MAPT: variants seen among roughly 807,000 people sequenced by gnomAD.
The protein encoded by MAPT is microtubule-associated protein tau.
In MAPT, 34 loss-of-function variants were observed where a neutral mutation model predicts 67.9. The ratio of observed to expected loss-of-function variants is 0.50; its 90% confidence interval spans 0.38 to 0.67. The LOEUF (loss-of-function observed/expected upper bound fraction) is 0.67, where lower values mean the gene tolerates loss of function less well. Among genes scored for constraint, MAPT ranks in the 30% least tolerant of loss-of-function variants. The probability of loss-of-function intolerance (pLI) is 0.00; values close to 1 mark genes in which losing one functional copy is unlikely to be tolerated. For missense variants in MAPT, 881 were observed against 1,115.2 expected (o/e 0.79, Z 2.99); for synonymous variants, 456 against 464.5 (o/e 0.98, Z 0.23).
Position 46,010,459 on chromosome 17 carries a change from G to C in MAPT, c.2091+57G>C. On this transcript the variant is annotated intron_variant, in intron 10 of 12. Transcript: ENST00000262410. The surrounding 1 kb of genome is among the most constrained non-coding windows in gnomAD (Gnocchi z 4.7). ...CTGTGGCTTGAATTATTAGGAAGTGGTGTGAGTGCGTACACTTGCGAGACA... is the reference window on the plus strand; with the variant it reads ...CTGTGGCTTGAATTATTAGGAAGTGCTGTGAGTGCGTACACTTGCGAGACA... 1 of 1,180,608 alleles carries C rather than the reference G, an allele frequency of 8.5e-7. No homozygotes were observed. Among genetic ancestry groups the C allele is most frequent in the Non-Finnish European group, 1.2e-6 (1 of 808,250 alleles). The allele number at this position is 1,180,608 out of a possible 1,614,324, so 73.1% of individuals were successfully genotyped here. A position where few individuals can be genotyped will look rare whatever the true frequency, so the allele number is the denominator to read the frequency against.
chr17:45,999,196 T>C (rs1397582446), intron 9 of MAPT: 8 of 1,519,084 alleles, frequency 5.3e-6, no homozygotes, highest in Non-Finnish European at 7.1e-6. Flanking sequence ...CCAGGAAGTC[T>C]TCCTGGATTC....
intron 1 of MAPT, among the ~76,000 whole-genome samples, chr17:45,960,692 C>T (rs1376092211): frequency 3.3e-5 from 5 of 152,112 alleles, no homozygotes; most frequent in African/African-American, 9.7e-5. Flanking sequence ...GCAGCTTATG[C>T]CTGTAATCCC....
In MAPT at chr17:45,997,348, G is replaced by A. The variant is rs554410722; in HGVS notation, c.1998+684G>A. Among the ~76,000 whole-genome samples the A allele has an allele frequency of 8.3e-4, 127 of 152,268 alleles. 1 individual carries two copies. The highest frequency in any genetic ancestry group is 2.7e-3 in the African/African-American group (112 of 41,550). ...GCCTCCTCACTAGCCAGGTGTGGGC[G>A]GGTGGGTTTCTTCCAAGGCCTCTCT... On this transcript the variant is annotated intron_variant, in intron 9 of 12. Transcript: ENST00000262410.
chr17:45,950,745 C>T (rs2068983990), intron 1 of MAPT, among the ~76,000 whole-genome samples: 1 of 152,058 alleles, frequency 6.6e-6, no homozygotes, highest in Non-Finnish European at 1.5e-5. Flanking sequence ...TCACTGCAAC[C>T]TCTCCCTCCT....
At chr17:46,008,221 C>T (rs1159681396) in intron 9 of MAPT, among the ~76,000 whole-genome samples, 7 of 152,180 alleles carry the variant, frequency 4.6e-5, no homozygotes, top group Admixed American at 1.3e-4. Context: ...CTCAACCTCC[C>T]GAGTAGCTGG....
chr17:45,987,777 C>T (rs2073704729), intron 6 of MAPT, among the ~76,000 whole-genome samples: 1 of 152,220 alleles, frequency 6.6e-6, no homozygotes, highest in South Asian at 2.1e-4. Context: ...CCTGCAGAGT[C>T]AGGGCTCCCC....
chr17:45,905,996 C>T (rs536688679), intron 1 of MAPT, among the ~76,000 whole-genome samples: 6 of 152,286 alleles, frequency 3.9e-5, no homozygotes, highest in East Asian at 3.9e-4. Flanking sequence ...GTCAGTCAGA[C>T]GGTGCAGCTG....
chr17:46,011,460 C>G (rs1429952416), intron 10 of MAPT, among the ~76,000 whole-genome samples: 1 of 152,116 alleles, frequency 6.6e-6, no homozygotes, highest in African/African-American at 2.4e-5. Context: ...TCCCCGGGGA[C>G]TCCGTGCATC....
Position 46,010,406 on chromosome 17 carries a change from AG to A in MAPT, c.2091+5del. 1 of 1,563,216 alleles carries A rather than the reference AG, an allele frequency of 6.4e-7. No homozygotes were observed. The highest frequency in any genetic ancestry group is 8.7e-7 in the Non-Finnish European group (1 of 1,150,970). On this transcript the variant is annotated splice_donor_5th_base_variant and intron_variant, in intron 10 of 12. Coordinates refer to ENST00000262410, the MANE Select transcript of MAPT (RefSeq NM_001377265.1). This position sits in a 1 kb window ranked among gnomAD's most constrained non-coding sequence, Gnocchi z 4.7. ...ACACGTCCCGGGAGGCGGCAGTGTG[AG>A]TACCTTCACACGTCCCATGCGCCGT...
chr17:45,953,581 A>G (rs1305939985), intron 1 of MAPT, among the ~76,000 whole-genome samples: 1 of 152,206 alleles, frequency 6.6e-6, no homozygotes, highest in Non-Finnish European at 1.5e-5. Flanking sequence ...TTTATTTTGC[A>G]TAGTAAATAG....
At chr17:45,961,444 C>T (rs2070398537) in intron 1 of MAPT, among the ~76,000 whole-genome samples, 1 of 152,098 alleles carries the variant, frequency 6.6e-6, no homozygotes, top group African/African-American at 2.4e-5. Context: ...CTGGTGGGTG[C>T]CGGTGTGGTG....
intron 1 of MAPT, among the ~76,000 whole-genome samples, chr17:45,945,067 T>C (rs79765413): frequency 0.14 from 21,764 of 152,122 alleles, 2,113 homozygotes; most frequent in Non-Finnish European, 0.22. Flanking sequence ...CACAAAGGTG[T>C]GGTTGGAGCG....
intron 1 of MAPT, among the ~76,000 whole-genome samples, chr17:45,945,227 C>T (rs62062780): frequency 0.14 from 21,792 of 152,180 alleles, 2,123 homozygotes; most frequent in Non-Finnish European, 0.22. Flanking sequence ...ATGTGTAAAA[C>T]GGGGATAATA....
chr17:46,023,760 G>C (rs2076673653), intron 12 of MAPT, among the ~76,000 whole-genome samples, 196 bp from the exon 13 acceptor site: 1 of 152,222 alleles, frequency 6.6e-6, no homozygotes, highest in Non-Finnish European at 1.5e-5. Context: ...AGAATCACCT[G>C]AGCCTGGGAG....
rs528790824 is a variant in MAPT, at chr17:45,978,551, G to A, written c.286+111G>A. The A allele has an allele frequency of 8.3e-6, 7 of 846,682 alleles. No individual in the cohort carries two copies. The East Asian group carries it at 1.8e-4, about 22-fold the overall frequency. 52.4% of individuals were successfully genotyped at this position (846,682 alleles called of 1,614,324 possible). A position where few individuals can be genotyped will look rare whatever the true frequency, so the allele number is the denominator to read the frequency against. ...CCTGAGCTCTAATTCACAAGTCCAG[G>A]AGATTTTAGGGAGTTGGTTCTTATC... On this transcript the variant is annotated intron_variant, in intron 4 of 12. Transcript: ENST00000262410.
rs750172011 is a variant in MAPT at position 45,971,521 on chromosome 17, G to A, written c.134-338G>A. On this transcript the variant is annotated intron_variant, in intron 2 of 12. Coordinates refer to ENST00000262410, the MANE Select transcript of MAPT (RefSeq NM_001377265.1). The surrounding 1 kb of genome is among the most constrained non-coding windows in gnomAD (Gnocchi z 4.3). ...AAAGCAGAAGGTTCATGCGTAGCTC[G>A]GCTTTCTGGTATTTGCTGCCCGTTG... 1.4e-4 allele frequency among the ~76,000 whole-genome samples: 21 copies of A among 152,160 alleles called. No individual in the cohort carries two copies. Among genetic ancestry groups the A allele is most frequent in the Non-Finnish European group, 2.8e-4 (19 of 68,030 alleles).
chr17:46,002,735 T>C (rs1269747183), intron 9 of MAPT, among the ~76,000 whole-genome samples: 1 of 152,166 alleles, frequency 6.6e-6, no homozygotes, highest in Non-Finnish European at 1.5e-5. Context: ...GTAACTTTCT[T>C]GGTTCTGGGC....
chr17:45,938,169 C>T (rs778691507), intron 1 of MAPT, among the ~76,000 whole-genome samples: 1 of 152,216 alleles, frequency 6.6e-6, no homozygotes, highest in Non-Finnish European at 1.5e-5. Flanking sequence ...TATTACCTTA[C>T]AGTTCTGGAG....
chr17:45,955,143 C>T (rs1427307154), intron 1 of MAPT, among the ~76,000 whole-genome samples: 1 of 152,154 alleles, frequency 6.6e-6, no homozygotes, highest in Non-Finnish European at 1.5e-5. Context: ...CAGCGGCTCT[C>T]CTAAAAACAA....
Sources: allele counts gnomAD v4.1 joint callset (sites outside exome capture counted in the v4.1 genomes callset), GRCh38; gene constraint gnomAD v4.1.1; non-coding constraint Gnocchi (gnomAD v3.1); transcripts MANE v1.5; gene names NCBI Gene and HGNC (gene_info 2026-07-23, HGNC 2026-07-21).